HDGFL3: variants seen among roughly 807,000 people sequenced by gnomAD.
HDGFL3 encodes the protein HDGF like 3, also known as hepatoma-derived growth factor-related protein 3.
In HDGFL3, 6 loss-of-function variants were observed where a neutral mutation model predicts 27.6. That is an observed-to-expected ratio of 0.22 (90% CI 0.12 to 0.43). The LOEUF (loss-of-function observed/expected upper bound fraction) is 0.43, where lower values mean the gene tolerates loss of function less well. Ranked by LOEUF, HDGFL3 falls within the 20% of genes least tolerant of loss-of-function variation. The pLI is 1.00. For missense variants in HDGFL3, 207 were observed against 250.1 expected, an observed-to-expected ratio of 0.83 and a Z score of 1.16; for synonymous variants, 88 against 88.9, an observed-to-expected ratio of 0.99 and a Z score of 0.05.
intron 1 of HDGFL3, among the ~76,000 whole-genome samples, chr15:83,203,926 ACT>A (rs2037683512): frequency 1.3e-5 from 2 of 149,810 alleles, no homozygotes; most frequent in Non-Finnish European, 3.0e-5. Context: ...GCGATCAGAG[ACT>A]CGTTTTAGCC....
At chr15:83,113,237 T>TC (rs1046232891) in exon 4 of HDGFL3, 8 of 384,824 alleles carry the variant, frequency 2.1e-5, no homozygotes, top group African/African-American at 6.1e-5. Flanking sequence ...CTACTAGCAG[T>TC]CCCCCCCACT....
At chr15:83,121,943 C>T in intron 3 of HDGFL3, 1 of 1,608,500 alleles carries the variant, frequency 6.2e-7, no homozygotes, top group Non-Finnish European at 8.5e-7. Context: ...AACCATTGGC[C>T]TATATTGGGT....
intron 1 of HDGFL3, among the ~76,000 whole-genome samples, chr15:83,193,676 G>A (rs1392483699): frequency 1.3e-5 from 2 of 152,184 alleles, no homozygotes; most frequent in African/African-American, 4.8e-5. Flanking sequence ...ACCGTTGCCA[G>A]CACAACATCT....
Position 83,136,724 on chromosome 15 carries a change from G to C in HDGFL3, c.*2546C>G, listed in dbSNP as rs758641699. 6.8e-7 allele frequency: 1 copy of C among 1,465,206 alleles called. No individual in the cohort carries two copies. Among genetic ancestry groups the C allele is most frequent in the Admixed American group, 2.1e-5 (1 of 48,070 alleles). The allele number at this position is 1,465,206 out of a possible 1,614,324, so 90.8% of individuals were successfully genotyped here. Reference sequence around the variant, plus strand: ...TAAATTACTAACTTTTGTTATACTGGTACTGATATTTTGTCCCATTTCACT... The same window carrying C: ...TAAATTACTAACTTTTGTTATACTGCTACTGATATTTTGTCCCATTTCACT... On this transcript the variant is annotated 3_prime_UTR_variant, in exon 6 of 6. Coordinates refer to ENST00000299633, the MANE Select transcript of HDGFL3 (RefSeq NM_016073.4).
Position 83,197,727 on chromosome 15 carries a change from T to C in HDGFL3, c.84+9604A>G, listed in dbSNP as rs1041458191. Among the ~76,000 whole-genome samples the C allele has an allele frequency of 1.2e-4, 18 of 152,256 alleles. No homozygotes were observed. In the South Asian group the frequency reaches 3.5e-3, roughly 30 times the overall value. ...GAACACTAGTTTGTCAAACACTGTA[T>C]ATAACTCGGTAGTCAGCAAACGTGT... On this transcript the variant is annotated intron_variant, in intron 1 of 5. Coordinates refer to ENST00000299633, the MANE Select transcript of HDGFL3 (RefSeq NM_016073.4).
At chr15:83,175,985 TAA>T (rs1491001422) in intron 1 of HDGFL3, among the ~76,000 whole-genome samples, 1 of 152,270 alleles carries the variant, frequency 6.6e-6, no homozygotes, top group East Asian at 1.9e-4. Flanking sequence ...GCACAGACAG[TAA>T]GTTTATTCCC....
At chr15:83,166,538 A>G (rs1379791132) in intron 1 of HDGFL3, among the ~76,000 whole-genome samples, 1 of 152,222 alleles carries the variant, frequency 6.6e-6, no homozygotes. Flanking sequence ...CAGACCCTAT[A>G]AAGTAACCAC....
Position 83,129,755 on chromosome 15 carries a change from C to CT in HDGFL3, c.*9514dup, listed in dbSNP as rs2036082727. 1 of 152,364 alleles carries CT rather than the reference C, an allele frequency of 6.6e-6. No individual in the cohort carries two copies. The highest frequency in any genetic ancestry group is 2.4e-5 in the African/African-American group (1 of 41,444). The allele number at this position is 152,364 out of a possible 1,614,324, so 9.4% of individuals were successfully genotyped here. On this transcript the variant is annotated 3_prime_UTR_variant, in exon 6 of 6. Coordinates refer to ENST00000299633, the MANE Select transcript of HDGFL3 (RefSeq NM_016073.4). ...AGGCAGTGACATTCCGAGTTGGACT[C>CT]TGAGGGCCAAGTGGGGCTTTATTAG... is the stretch of plus-strand genomic sequence containing the variant.
At position 83,136,400 on chromosome 15, in the gene HDGFL3, G is replaced by C; in HGVS notation, c.*2870C>G. ...TTTTGAGGGCACAGAAACGTAGCCT[G>C]AATGAACCATTCAGAACTCATCATG... On this transcript the variant is annotated 3_prime_UTR_variant, in exon 6 of 6. Transcript: ENST00000299633. The C allele has an allele frequency of 7.8e-7, 1 of 1,273,942 alleles. No individual in the cohort carries two copies. Among genetic ancestry groups the C allele is most frequent in the Non-Finnish European group, 1.1e-6 (1 of 940,952 alleles). 78.9% of individuals were successfully genotyped at this position (1,273,942 alleles called of 1,614,324 possible).
chr15:83,179,902 T>C (rs1301766608), intron 1 of HDGFL3: 4 of 152,280 alleles, frequency 2.6e-5, no homozygotes, highest in Non-Finnish European at 5.9e-5. Flanking sequence ...TCTAGTCCTA[T>C]GGGCCTGGCC....
At chr15:83,144,598 T>A in intron 5 of HDGFL3, 2 of 451,930 alleles carry the variant, frequency 4.4e-6, no homozygotes, top group Non-Finnish European at 8.9e-6. Context: ...GGGAAACAAC[T>A]CATGAGGAAC....
Position 83,201,808 on chromosome 15 carries a change from G to T in HDGFL3, c.84+5523C>A, listed in dbSNP as rs552636328. ...GAAAATGAACATATTGGTATCAAAA[G>T]TTTAAAGTTCCTATGAGCTCCCAGA... is the stretch of plus-strand genomic sequence containing the variant. On this transcript the variant is annotated intron_variant, in intron 1 of 5. Transcript: ENST00000299633. 6.6e-5 allele frequency among the ~76,000 whole-genome samples: 10 copies of T among 152,274 alleles called. No homozygotes were observed. The South Asian group carries it at 2.1e-3, about 32-fold the overall frequency.
At chr15:83,148,473 T>A (rs181371839) in intron 5 of HDGFL3, among the ~76,000 whole-genome samples, 1 of 151,834 alleles carries the variant, frequency 6.6e-6, no homozygotes, top group Admixed American at 6.6e-5. Flanking sequence ...TACAAAAAAA[T>A]TAGCCAGGTG....
chr15:83,203,236 A>T (rs1164024123), intron 1 of HDGFL3, among the ~76,000 whole-genome samples: 2 of 152,088 alleles, frequency 1.3e-5, no homozygotes, highest in African/African-American at 4.8e-5. Flanking sequence ...CAGAGTGCTC[A>T]CATCTCAGCG....
At chr15:83,199,584 T>C (rs1174393256) in intron 1 of HDGFL3, among the ~76,000 whole-genome samples, 1 of 152,218 alleles carries the variant, frequency 6.6e-6, no homozygotes, top group Non-Finnish European at 1.5e-5. Context: ...CCTCTACTTC[T>C]GGGTAGCTGT....
At chr15:83,116,032 G>A in intron 3 of HDGFL3, 1 of 1,025,214 alleles carries the variant, frequency 9.8e-7, no homozygotes, top group Non-Finnish European at 1.5e-6. Flanking sequence ...CTCATTTAGT[G>A]TGAACAGGTA....
chr15:83,124,188 G>C (rs183061452), downstream of HDGFL3, among the ~76,000 whole-genome samples: 1 of 152,052 alleles, frequency 6.6e-6, no homozygotes, highest in South Asian at 2.1e-4. Context: ...CAGATGTTGA[G>C]AGCAAAAAGA....
intron 5 of HDGFL3, among the ~76,000 whole-genome samples, chr15:83,150,918 C>T (rs2036955993): frequency 6.6e-6 from 1 of 152,074 alleles, no homozygotes; most frequent in Non-Finnish European, 1.5e-5. Context: ...TTTGGGGTGG[C>T]ATTTCATAAT....
chr15:83,143,359 C>T (rs961287930), intron 5 of HDGFL3, among the ~76,000 whole-genome samples: 42 of 151,766 alleles, frequency 2.8e-4, no homozygotes, highest in Non-Finnish European at 4.4e-4. Flanking sequence ...TTGAGGCGGG[C>T]GAATCACTTG....
Sources: gnomAD v4.1 joint callset for allele counts (sites outside exome capture counted in the v4.1 genomes callset) on GRCh38, gnomAD v4.1.1 for gene constraint, MANE v1.5 for transcripts, NCBI Gene and HGNC (gene_info 2026-07-23, HGNC 2026-07-21) for gene names.